CDC45: variants seen among roughly 807,000 people sequenced by gnomAD.
The protein encoded by CDC45 is cell division control protein 45 homolog.
Under a neutral mutation model 77.8 loss-of-function variants are expected in CDC45, and 54 were observed. The observed-to-expected ratio is 0.69, with a 90% confidence interval of 0.56 to 0.87. The LOEUF is 0.87. Ranked by LOEUF, CDC45 falls within the 40% of genes least tolerant of loss-of-function variation. CDC45 has a pLI of 0.00. For synonymous variants in CDC45, 260 were observed against 272.1 expected, an observed-to-expected ratio of 0.96 and a Z score of 0.44; for missense variants, 649 against 721.6, an observed-to-expected ratio of 0.90 and a Z score of 1.15.
chr22:19,516,840 A>G lies in CDC45; in HGVS notation c.1583A>G (p.Lys528Arg). The G allele has an allele frequency of 1.2e-6, 2 of 1,614,106 alleles. No individual in the cohort carries two copies. The highest frequency in any genetic ancestry group is 1.7e-6 in the Non-Finnish European group (2 of 1,179,990). The change falls in exon 17 of 19, where the codon AAG becomes AGG. Residue 528 changes from lysine to arginine, a missense_variant. Coordinates refer to ENST00000263201, the MANE Select transcript of CDC45 (RefSeq NM_003504.5). The part of the protein sequence containing the change: ...RKNFFGRAFE[K>R]AAESTSSRML... Reference sequence around the variant, plus strand: ...AGCTTTTTTGGGAGGGCGTTTGAGAAGGCAGCGGAAAGCACCAGCTCCCGG... The same window carrying G: ...AGCTTTTTTGGGAGGGCGTTTGAGAGGGCAGCGGAAAGCACCAGCTCCCGG...
chr22:19,499,670 G>A (rs2090305595), intron 9 of CDC45, among the ~76,000 whole-genome samples: 1 of 152,218 alleles, frequency 6.6e-6, no homozygotes, highest in Non-Finnish European at 1.5e-5. Context: ...TAGACTGACG[G>A]TGAGCTGCAA....
Position 19,514,833 on chromosome 22 carries a change from T to G in CDC45, c.1302T>G (p.Leu434=), listed in dbSNP as rs779524726. ...CCCAGCAGACCATTGCCAGCTGCCT[T>G]TGCACCAACCTCGTCATCTCCCAGG... ...RATQQTIASC[L]CTNLVISQGP... is the part of the protein sequence containing the mutation. The change falls in exon 14 of 19, where the codon CTT becomes CTG. Residue 434 remains leucine (L), a synonymous_variant. Transcript: ENST00000263201. 16 of 1,614,174 alleles carry G rather than the reference T, an allele frequency of 9.9e-6. No individual in the cohort carries two copies. The highest frequency in any genetic ancestry group is 1.4e-5 in the Non-Finnish European group (16 of 1,180,040).
intron 7 of CDC45, 88 bp from the exon 8 acceptor site, chr22:19,497,298 C>A: frequency 8.2e-7 from 1 of 1,223,762 alleles, no homozygotes; most frequent in South Asian, 1.2e-5. Context: ...TTGCCAGGGC[C>A]CTTCTGGCTC....
intron 17 of CDC45, 38 bp from the exon 18 acceptor site, chr22:19,518,806 C>A: frequency 6.4e-7 from 1 of 1,568,328 alleles, no homozygotes. Context: ...TGTTCCCACT[C>A]CTCCCTTCTC....
At chr22:19,510,070 TC>T (rs1933429204) in intron 13 of CDC45, among the ~76,000 whole-genome samples, 1 of 152,176 alleles carries the variant, frequency 6.6e-6, no homozygotes, top group South Asian at 2.1e-4. Flanking sequence ...CAAGCAATCT[TC>T]CTACCTCAGC....
At position 19,493,232 on chromosome 22, in the gene CDC45, T is replaced by G. The variant is rs5992407; in HGVS notation, c.487-1095T>G. On this transcript the variant is annotated intron_variant, in intron 5 of 18. Transcript: ENST00000263201. The stretch of plus-strand genomic sequence containing the variant: ...AGACAGAGCAGCTTTTGTGGGTTTT[T>G]TTTTTTGTTGTTTTGTTTTGTTTTG... Among the ~76,000 whole-genome samples the G allele has an allele frequency of 8.5e-3, 541 of 63,794 alleles. 2 individuals carry two copies. Among genetic ancestry groups the G allele is most frequent in the African/African-American group, 0.02 (495 of 24,626 alleles). 41.9% of individuals were successfully genotyped at this position (63,794 alleles called of 152,430 possible). A position where few individuals can be genotyped will look rare whatever the true frequency, so the allele number is the denominator to read the frequency against.
At position 19,480,974 on chromosome 22, in the gene CDC45, G is replaced by A. The variant is rs934693934; in HGVS notation, c.133G>A (p.Val45Met). The change falls in exon 3 of 19, where the codon GTG (valine) becomes ATG (methionine). Residue 45 changes from valine to methionine, a missense_variant. Physicochemically the swap from Val to Met is conservative, Grantham distance 21. Coordinates refer to ENST00000263201, the MANE Select transcript of CDC45 (RefSeq NM_003504.5). ...CCAGGCCTTGTTCCAGTGTGACCAC[G>A]TGCAATATACGCTGGTTCCAGTTTC... is the stretch of plus-strand genomic sequence containing the variant. ...ILQALFQCDH[V>M]QYTLVPVSGW... is the part of the protein sequence containing the mutation. 5.6e-6 allele frequency: 9 copies of A among 1,612,614 alleles called. No individual in the cohort carries two copies. The highest frequency in any genetic ancestry group is 1.6e-4 in the Middle Eastern group (1 of 6,076).
chr22:19,494,264 G>A (rs2090201991), intron 5 of CDC45, 63 bp from the exon 6 acceptor site: 2 of 1,474,484 alleles, frequency 1.4e-6, no homozygotes, highest in East Asian at 2.3e-5. Flanking sequence ...AACCTTCTTG[G>A]GCTGTGGGGA....
At chr22:19,493,550 T>C (rs1057384751) in intron 5 of CDC45, among the ~76,000 whole-genome samples, 13 of 152,098 alleles carry the variant, frequency 8.5e-5, no homozygotes, top group African/African-American at 3.1e-4. Context: ...GTTCAGGCAG[T>C]TTTCCTCCTC....
At chr22:19,486,588 G>A (rs1422700792) in intron 5 of CDC45, among the ~76,000 whole-genome samples, 11 of 152,110 alleles carry the variant, frequency 7.2e-5, no homozygotes, top group Admixed American at 2.0e-4. Context: ...GGTCTAGAGC[G>A]TTGATTTTAA....
At chr22:19,482,605 T>A in intron 3 of CDC45, 85 bp from the exon 4 acceptor site, 1 of 1,442,060 alleles carries the variant, frequency 6.9e-7, no homozygotes, top group Non-Finnish European at 9.5e-7. Flanking sequence ...TGAGTGAGTT[T>A]AAGCAGAACA....
At chr22:19,514,461 C>G (rs1314157887) in intron 13 of CDC45, among the ~76,000 whole-genome samples, 1 of 152,198 alleles carries the variant, frequency 6.6e-6, no homozygotes, top group Non-Finnish European at 1.5e-5. Flanking sequence ...CAAGCCTCCC[C>G]TGTGTCAGAG....
rs5992404 is a variant in CDC45, at chr22:19,480,414, G to A, written c.111+197G>A. On this transcript the variant is annotated intron_variant, in intron 2 of 18. Coordinates refer to ENST00000263201, the MANE Select transcript of CDC45 (RefSeq NM_003504.5). ...CCTCCCTGTCCCAACGGTGTGGGGT[G>A]GGATAAAGGATTAAGTAAAAGGTAA... 0.016 allele frequency among the ~76,000 whole-genome samples: 2,410 copies of A among 152,252 alleles called. 75 individuals are homozygous for A. Among genetic ancestry groups the A allele is most frequent in the African/African-American group, 0.054 (2,252 of 41,522 alleles).
chr22:19,504,732 C>T (rs1933061118), intron 9 of CDC45, among the ~76,000 whole-genome samples: 1 of 152,148 alleles, frequency 6.6e-6, no homozygotes, highest in Admixed American at 6.5e-5. Flanking sequence ...TCGTGGGGTC[C>T]TTCGGAGCAG....
chr22:19,516,505 A>G (rs776309495), intron 15 of CDC45, 22 bp from the exon 16 acceptor site: 1 of 1,588,458 alleles, frequency 6.3e-7, no homozygotes, highest in East Asian at 2.2e-5. Context: ...ACCCTGACGG[A>G]GGGTGCTCTC....
intron 6 of CDC45, 194 bp downstream of exon 6, chr22:19,494,576 T>A (rs1214260469): frequency 1.3e-6 from 2 of 1,548,018 alleles, no homozygotes; most frequent in Non-Finnish European, 1.7e-6. Context: ...GTCCCATGAG[T>A]GACAGGACAG....
chr22:19,488,644 G>A (rs1408450633), intron 5 of CDC45, among the ~76,000 whole-genome samples: 1 of 152,122 alleles, frequency 6.6e-6, no homozygotes, highest in East Asian at 1.9e-4. Flanking sequence ...TGGGAATTTT[G>A]TTACTTTATT....
chr22:19,507,864 G>T lies in CDC45; in HGVS notation c.1055G>T (p.Gly352Val), dbSNP rs749226527. 1 of 1,587,260 alleles carries T rather than the reference G, an allele frequency of 6.3e-7. No homozygotes were observed. The highest frequency in any genetic ancestry group is 1.4e-5 in the African/African-American group (1 of 73,914). ...EMIEESANKF[G>V]MKDMRVQTFS... ...ATTGAAGAGTCTGCAAATAAATTTGGGTAAACACACATTTTTCTGGATTTA... is the reference window on the plus strand; with the variant it reads ...ATTGAAGAGTCTGCAAATAAATTTGTGTAAACACACATTTTTCTGGATTTA... Residue 352 changes from glycine (G) to valine (V), a missense_variant and splice_region_variant, in exon 12 of 19, where the codon GGG becomes GTG. Physicochemically the swap from Gly to Val is moderately radical, Grantham distance 109. Coordinates refer to ENST00000263201, the MANE Select transcript of CDC45 (RefSeq NM_003504.5).
intron 15 of CDC45, among the ~76,000 whole-genome samples, chr22:19,515,884 T>A (rs184930004): frequency 6.6e-6 from 1 of 152,270 alleles, no homozygotes; most frequent in Non-Finnish European, 1.5e-5. Flanking sequence ...GTATTGAACA[T>A]CCACCACCTG....
Sources: gnomAD v4.1 joint callset for allele counts (sites outside exome capture counted in the v4.1 genomes callset) on GRCh38, gnomAD v4.1.1 for gene constraint, MANE v1.5 for transcripts, NCBI Gene and HGNC (gene_info 2026-07-23, HGNC 2026-07-21) for gene names.